IFT81: variants seen among roughly 807,000 people sequenced by gnomAD.
IFT81 encodes intraflagellar transport 81.
IFT81 carries 72 observed loss-of-function variants against 102.6 expected under a neutral mutation model. That is an observed-to-expected ratio of 0.70 (90% CI 0.58 to 0.85). IFT81 has a LOEUF of 0.85. IFT81 is among the 40% of genes least tolerant of loss of function. The pLI is 0.00. For missense variants in IFT81, 723 were observed against 787.3 expected (o/e 0.92, Z 0.98); for synonymous variants, 237 against 242.7 (o/e 0.98, Z 0.22).
chr12:110,197,428 A>C (rs1250505499), intron 14 of IFT81, among the ~76,000 whole-genome samples: 2 of 141,612 alleles, frequency 1.4e-5, no homozygotes, highest in Non-Finnish European at 3.1e-5. Flanking sequence ...CCTGTTATTT[A>C]CTGTGTTTTC....
At chr12:110,172,804 G>A (rs1223834224) in intron 11 of IFT81, among the ~76,000 whole-genome samples, 1 of 152,024 alleles carries the variant, frequency 6.6e-6, no homozygotes, top group African/African-American at 2.4e-5. Context: ...CTGCCCGGCC[G>A]CCACCCCGTC....
chr12:110,170,776 C>T (rs189754722), intron 11 of IFT81, among the ~76,000 whole-genome samples: 6 of 152,296 alleles, frequency 3.9e-5, no homozygotes, highest in Admixed American at 3.3e-4. Flanking sequence ...ACAAGAAGCT[C>T]AGCTGTTTTG....
intron 14 of IFT81, among the ~76,000 whole-genome samples, chr12:110,192,945 A>T (rs959568461): frequency 6.6e-6 from 1 of 152,136 alleles, no homozygotes; most frequent in Non-Finnish European, 1.5e-5. Context: ...GAGGATGATC[A>T]CTTGAGCCCA....
Position 110,180,683 on chromosome 12 carries a change from T to C in IFT81, c.1338+112T>C, listed in dbSNP as rs573053557. 45 of 681,796 alleles carry C rather than the reference T, an allele frequency of 6.6e-5. No homozygotes were observed. The African/African-American group carries it at 7.3e-4, about 11-fold the overall frequency. The allele number at this position is 681,796 out of a possible 1,614,324, so 42.2% of individuals were successfully genotyped here. On this transcript the variant is annotated intron_variant, in intron 12 of 18. Transcript: ENST00000242591. Reference sequence around the variant, plus strand: ...CTGGAAAAATGATAAAAGTATTACTTTTCTCTGATTAATTACAGACATGAC... The same window carrying C: ...CTGGAAAAATGATAAAAGTATTACTCTTCTCTGATTAATTACAGACATGAC...
intron 4 of IFT81, among the ~76,000 whole-genome samples, chr12:110,132,123 C>A (rs1358769429): frequency 6.6e-6 from 1 of 152,114 alleles, no homozygotes; most frequent in Non-Finnish European, 1.5e-5. Context: ...TAATGCTGTT[C>A]TTACAATGAC....
chr12:110,176,276 C>T (rs1323559279), intron 11 of IFT81, among the ~76,000 whole-genome samples: 1 of 152,162 alleles, frequency 6.6e-6, no homozygotes, highest in Non-Finnish European at 1.5e-5. Context: ...TATCTTTGAC[C>T]TCCGGACCCT....
chr12:110,194,892 G>C (rs1399071267), intron 14 of IFT81, among the ~76,000 whole-genome samples: 1 of 152,100 alleles, frequency 6.6e-6, no homozygotes, highest in Non-Finnish European at 1.5e-5. Context: ...TGGGAGGACT[G>C]AAATCAACCG....
chr12:110,163,520 C>T (rs184506016), intron 11 of IFT81, among the ~76,000 whole-genome samples: 25 of 150,010 alleles, frequency 1.7e-4, no homozygotes, highest in Middle Eastern at 3.6e-3. Flanking sequence ...GGATTACAGG[C>T]GTGAGCCACC....
In IFT81 at chr12:110,158,210, A is replaced by G. The variant is rs1357431907; in HGVS notation, c.1042-4709A>G. Among the ~76,000 whole-genome samples, 3 of 152,036 alleles carry G rather than the reference A, an allele frequency of 2.0e-5. 1 individual carries two copies. The highest frequency in any genetic ancestry group is 7.2e-5 in the African/African-American group (3 of 41,470). ...CTCAGCCTCCTGAGTAGCTGGGATT[A>G]TAGGCTAATACAAAAATTAGCCATC... On this transcript the variant is annotated intron_variant, in intron 10 of 18. Transcript: ENST00000242591.
At chr12:110,211,893 A>G (rs181037608) in intron 18 of IFT81, among the ~76,000 whole-genome samples, 4 of 152,178 alleles carry the variant, frequency 2.6e-5, no homozygotes, top group African/African-American at 9.7e-5. Flanking sequence ...CTATATATGG[A>G]TGTCTAATTT....
chr12:110,130,021 A>G (rs902343237), intron 4 of IFT81, among the ~76,000 whole-genome samples: 15 of 152,182 alleles, frequency 9.9e-5, no homozygotes, highest in African/African-American at 3.4e-4. Flanking sequence ...CAGATTTTGT[A>G]TAGTCACTTC....
intron 11 of IFT81, among the ~76,000 whole-genome samples, chr12:110,170,920 A>C (rs945269990): frequency 6.6e-6 from 1 of 152,248 alleles, no homozygotes; most frequent in Non-Finnish European, 1.5e-5. Context: ...ATCTTCTTTA[A>C]ATACTTCAAA....
chr12:110,135,233 A>G lies in IFT81; in HGVS notation c.586-94A>G, dbSNP rs909050111. On this transcript the variant is annotated intron_variant, in intron 6 of 18. Coordinates refer to ENST00000242591, the MANE Select transcript of IFT81 (RefSeq NM_014055.4). ...ATCTCTAGGGAGTACTGTTTACCAA[A>G]AGGAAATGATAAGTGGATGTCTGAG... 3.6e-6 allele frequency: 3 copies of G among 824,884 alleles called. No individual in the cohort carries two copies. In the African/African-American group the frequency reaches 5.2e-5, roughly 14 times the overall value. The allele number at this position is 824,884 out of a possible 1,614,324, so 51.1% of individuals were successfully genotyped here.
intron 11 of IFT81, among the ~76,000 whole-genome samples, chr12:110,169,945 T>C (rs1242559107): frequency 6.6e-6 from 1 of 151,950 alleles, no homozygotes; most frequent in Non-Finnish European, 1.5e-5. Flanking sequence ...TTTTTAATCT[T>C]TATTTATTTT....
intron 14 of IFT81, among the ~76,000 whole-genome samples, chr12:110,200,411 A>G (rs1898207355): frequency 6.6e-6 from 1 of 152,194 alleles, no homozygotes; most frequent in African/African-American, 2.4e-5. Flanking sequence ...ATCTAAACAT[A>G]GAAAAGGTAC....
chr12:110,207,622 G>A lies in IFT81; in HGVS notation c.1803-1549G>A, dbSNP rs561002522. On this transcript the variant is annotated intron_variant, in intron 17 of 18. Transcript: ENST00000242591. ...CTGTTGCCCAGGCTGGAGTGCAGTG[G>A]CGTGATCTCAGCTCACTGCAACCTC... Among the ~76,000 whole-genome samples, 93 of 144,866 alleles carry A rather than the reference G, an allele frequency of 6.4e-4. 1 individual carries two copies. Among genetic ancestry groups the A allele is most frequent in the Middle Eastern group, 3.8e-3 (1 of 262 alleles).
chr12:110,155,421 C>T (rs1895786958), intron 10 of IFT81, among the ~76,000 whole-genome samples: 1 of 151,584 alleles, frequency 6.6e-6, no homozygotes, highest in African/African-American at 2.4e-5. Context: ...AGCGATTCTC[C>T]TGCCTCAGCC....
At chr12:110,160,562 T>G (rs901766894) in intron 10 of IFT81, among the ~76,000 whole-genome samples, 1 of 152,196 alleles carries the variant, frequency 6.6e-6, no homozygotes, top group Non-Finnish European at 1.5e-5. Flanking sequence ...CCCACCACAT[T>G]GAGAGTGGGT....
intron 11 of IFT81, chr12:110,168,563 G>T (rs1208079032): frequency 1.5e-5 from 6 of 405,662 alleles, no homozygotes; most frequent in Non-Finnish European, 2.0e-5. Context: ...GATTATGCCT[G>T]GAGTATTATT....
Sources: gnomAD v4.1 joint callset for allele counts (sites outside exome capture counted in the v4.1 genomes callset) on GRCh38, gnomAD v4.1.1 for gene constraint, MANE v1.5 for transcripts, NCBI Gene and HGNC (gene_info 2026-07-23, HGNC 2026-07-21) for gene names.